Variants in FAM186A observed in about 807,000 individuals in gnomAD.
FAM186A encodes the protein family with sequence similarity 186 member A.
A neutral mutation model predicts 216.8 loss-of-function variants in FAM186A; 163 were observed. The ratio of observed to expected loss-of-function variants is 0.75; its 90% CI spans 0.66 to 0.86. The LOEUF (loss-of-function observed/expected upper bound fraction) is 0.86. Among genes scored for constraint, FAM186A ranks in the 40% least tolerant of loss-of-function variants. FAM186A has a pLI of 0.00. For synonymous variants in FAM186A, 805 were observed against 1,025.3 expected (o/e 0.79, Z 4.10); for missense variants, 2,184 against 2,746.2 (o/e 0.80, Z 4.58).
intron 1 of FAM186A, among the ~76,000 whole-genome samples, chr12:50,369,095 A>G (rs971637320): frequency 7.2e-5 from 11 of 152,176 alleles, no homozygotes; most frequent in African/African-American, 2.4e-4. Flanking sequence ...CCTAACACTT[A>G]TAAAACACTT....
chr12:50,329,132 ATAAAT>A (rs1394525381), intron 7 of FAM186A, among the ~76,000 whole-genome samples: 1 of 152,182 alleles, frequency 6.6e-6, no homozygotes, highest in Non-Finnish European at 1.5e-5. Flanking sequence ...AAATGAATAA[ATAAAT>A]AAAAATAAAA....
chr12:50,335,361 T>C (rs1942697273), intron 4 of FAM186A, among the ~76,000 whole-genome samples: 1 of 151,988 alleles, frequency 6.6e-6, no homozygotes, highest in South Asian at 2.1e-4. Context: ...ACATAGAAGG[T>C]AAGGCCGGGC....
chr12:50,333,481 G>A (rs745725327), intron 5 of FAM186A, among the ~76,000 whole-genome samples: 6 of 151,574 alleles, frequency 4.0e-5, no homozygotes, highest in Non-Finnish European at 8.8e-5. Context: ...GCACCGAGTC[G>A]AAATAGTGCC....
Position 50,351,824 on chromosome 12 carries a change from C to A in FAM186A, c.5008G>T (p.Ala1670Ser), listed in dbSNP as rs368861393. Reference sequence around the variant, plus strand: ...TCTAAGTTCATAGGGGACTCCAAAGCGTGGGTTTGCTCAGAGGTAAGAGTG... The same window carrying A: ...TCTAAGTTCATAGGGGACTCCAAAGAGTGGGTTTGCTCAGAGGTAAGAGTG... Reference protein sequence around the residue: ...AVTLTSEQTHALESPMNLEQA... With the variant: ...AVTLTSEQTHSLESPMNLEQA... Residue 1670 changes from alanine to serine, a missense_variant, in exon 4 of 8, where the codon GCT becomes TCT. Transcript: ENST00000327337. The A allele has an allele frequency of 1.3e-6, 2 of 1,544,956 alleles. No individual in the cohort carries two copies. The highest frequency in any genetic ancestry group is 1.7e-6 in the Non-Finnish European group (2 of 1,143,600).
chr12:50,328,371 C>T (rs1942624791), intron 7 of FAM186A, among the ~76,000 whole-genome samples: 1 of 151,880 alleles, frequency 6.6e-6, no homozygotes, highest in East Asian at 1.9e-4. Flanking sequence ...ACGACCACGT[C>T]TCTAAAAACA....
intron 1 of FAM186A, 75 bp from the exon 2 acceptor site, chr12:50,363,439 G>T: frequency 8.3e-7 from 1 of 1,200,368 alleles, no homozygotes; most frequent in Non-Finnish European, 1.2e-6. Flanking sequence ...TTCTCAGAAC[G>T]TCAGTGACAG....
rs1413100661 is a variant in FAM186A, at chr12:50,330,749, C to T, written c.6858G>A (p.Glu2286=). 5 of 1,516,978 alleles carry T rather than the reference C, an allele frequency of 3.3e-6. No homozygotes were observed. Among genetic ancestry groups the T allele is most frequent in the Non-Finnish European group, 4.4e-6 (5 of 1,135,364 alleles). 94.0% of individuals were successfully genotyped at this position (1,516,978 alleles called of 1,614,324 possible). Residue 2286 remains glutamate (E), a synonymous_variant, in exon 7 of 8, where the codon GAG becomes GAA. Coordinates refer to ENST00000327337, the MANE Select transcript of FAM186A (RefSeq NM_001145475.3). ...CATTCCAGATGGCCTCTGTCTGGTC[C>T]TCTTGTTGCCTACAGAATCAGCATA... ...SDICKKFRQQ[E]DQTEAIWNVD... is the part of the protein sequence containing the mutation.
At chr12:50,387,628 T>C (rs1275755799) in intron 1 of FAM186A, among the ~76,000 whole-genome samples, 1 of 152,218 alleles carries the variant, frequency 6.6e-6, no homozygotes, top group Non-Finnish European at 1.5e-5. Flanking sequence ...GATGTTTACA[T>C]AGTGCATATG....
At chr12:50,379,205 C>T (rs113058205) in intron 1 of FAM186A, among the ~76,000 whole-genome samples, 19 of 152,124 alleles carry the variant, frequency 1.2e-4, no homozygotes, top group African/African-American at 4.6e-4. Flanking sequence ...CTTTGGGAGG[C>T]CGAGGTGGGT....
intron 7 of FAM186A, 136 bp from the exon 8 acceptor site, chr12:50,327,540 CTTTTT>C (rs781530836): frequency 3.5e-3 from 1,654 of 472,590 alleles, no homozygotes; most frequent in Middle Eastern, 5.6e-3. Context: ...GTATGTAATC[CTTTTT>C]TTTTTTTTTT....
At chr12:50,378,179 G>A (rs528102162) in intron 1 of FAM186A, among the ~76,000 whole-genome samples, 1 of 150,134 alleles carries the variant, frequency 6.7e-6, no homozygotes, top group South Asian at 2.1e-4. Context: ...AGCCGAGATT[G>A]CGACATTACA....
At chr12:50,392,601 A>ACTTTTTTT in intron 1 of FAM186A, 1 of 118,918 alleles carries the variant, frequency 8.4e-6, no homozygotes, top group East Asian at 2.7e-4. Context: ...ATTTATGTAT[A>ACTTTTTTT]TCAATAGTTT....
In FAM186A at chr12:50,369,363, C is replaced by T. The variant is rs1405300731; in HGVS notation, c.193-5999G>A. Among the ~76,000 whole-genome samples, 4 of 151,670 alleles carry T rather than the reference C, an allele frequency of 2.6e-5. No homozygotes were observed. The South Asian group carries it at 6.3e-4, about 24-fold the overall frequency. ...AAAATTAGCCAGGCATGGTGGTGGG[C>T]GCCTGTAGACCCAACTACTCGGGAG... On this transcript the variant is annotated intron_variant, in intron 1 of 7. Transcript: ENST00000327337.
At position 50,351,247 on chromosome 12, in the gene FAM186A, A is replaced by C. The variant is rs559409210; in HGVS notation, c.5585T>G (p.Leu1862Ter). ...AGGGATGGAAGAGGCTTCAGGAACTAAGGGCTGCCCAGGAGAAAGAGGAGC... is the reference window on the plus strand; with the variant it reads ...AGGGATGGAAGAGGCTTCAGGAACTCAGGGCTGCCCAGGAGAAAGAGGAGC... ...LWAPLSPGQP[L>*]VPEASSIPGD... Residue 1862 changes from leucine to a stop codon, truncating the protein, a stop_gained, in exon 4 of 8, where the codon TTA becomes TGA. Transcript: ENST00000327337. LOFTEE classifies it high-confidence loss of function. 1.3e-6 allele frequency: 2 copies of C among 1,551,412 alleles called. No individual in the cohort carries two copies. Among genetic ancestry groups the C allele is most frequent in the Admixed American group, 3.9e-5 (2 of 50,968 alleles).
intron 4 of FAM186A, among the ~76,000 whole-genome samples, chr12:50,335,128 A>G (rs896006630): frequency 6.6e-6 from 1 of 152,056 alleles, no homozygotes; most frequent in Non-Finnish European, 1.5e-5. Context: ...ATGGTGGCAC[A>G]TACCTGTAGA....
intron 4 of FAM186A, among the ~76,000 whole-genome samples, chr12:50,342,316 AAAAACAAAAAC>A (rs2138765330): frequency 6.6e-6 from 1 of 151,512 alleles, no homozygotes; most frequent in South Asian, 2.1e-4. Context: ...TAAAAAAAAC[AAAAACAAAAAC>A]AAAACAAAAC....
intron 4 of FAM186A, among the ~76,000 whole-genome samples, chr12:50,338,440 A>T (rs1011586717): frequency 2.0e-5 from 3 of 152,124 alleles, no homozygotes; most frequent in Non-Finnish European, 2.9e-5. Flanking sequence ...ACCTCAGGTG[A>T]TTCACCCGCC....
chr12:50,365,912 GA>G, intron 1 of FAM186A: 2 of 763,052 alleles, frequency 2.6e-6, no homozygotes, highest in Non-Finnish European at 2.4e-6. Flanking sequence ...GGGTGCAGTG[GA>G]AAAAGGCTAA....
intron 3 of FAM186A, among the ~76,000 whole-genome samples, chr12:50,357,516 A>AAAG (rs1555216835): frequency 0.082 from 11,654 of 142,342 alleles, 1,197 homozygotes; most frequent in East Asian, 0.33. Context: ...AAAAAAAAAA[A>AAAG]AAGACACACA....
Sources: allele counts gnomAD v4.1 joint callset (sites outside exome capture counted in the v4.1 genomes callset), GRCh38; gene constraint gnomAD v4.1.1; transcripts MANE v1.5; gene names NCBI Gene and HGNC (gene_info 2026-07-23, HGNC 2026-07-21).